The following SPATA6 variants were observed in gnomAD, a reference collection of about 807,000 sequenced individuals.
SPATA6 encodes spermatogenesis-associated protein 6.
SPATA6 carries 56 observed loss-of-function variants against 65.3 expected under a neutral mutation model. The ratio of observed to expected loss-of-function variants is 0.86; its 90% CI spans 0.69 to 1.07. The LOEUF is 1.07. Ranked by LOEUF, SPATA6 falls within the 50% of genes least tolerant of loss-of-function variation. SPATA6 has a pLI of 0.00. For missense variants in SPATA6, 590 were observed against 594.8 expected, an observed-to-expected ratio of 0.99 and a Z score of 0.08; for synonymous variants, 199 against 213.2, an observed-to-expected ratio of 0.93 and a Z score of 0.58.
chr1:48,458,905 C>T (rs932808507), intron 1 of SPATA6, among the ~76,000 whole-genome samples: 7 of 152,024 alleles, frequency 4.6e-5, no homozygotes, highest in African/African-American at 1.4e-4. Context: ...AAATTGTACA[C>T]TTTAAAAGGG....
the SPATA6 span, among the ~76,000 whole-genome samples, chr1:48,280,974 G>C: frequency 1.3e-5 from 2 of 152,078 alleles, no homozygotes; most frequent in East Asian, 1.9e-4. Flanking sequence ...ATATCAAAAA[G>C]CTTATCCACC....
downstream of SPATA6, among the ~76,000 whole-genome samples, chr1:48,294,172 A>G (rs1391264135): frequency 1.3e-5 from 2 of 152,034 alleles, no homozygotes; most frequent in African/African-American, 4.8e-5. Context: ...CACCTCCCAA[A>G]TTCAAGTGGT....
intron 3 of SPATA6, among the ~76,000 whole-genome samples, chr1:48,446,755 A>C (rs1184337108): frequency 6.6e-6 from 1 of 152,204 alleles, no homozygotes; most frequent in Non-Finnish European, 1.5e-5. Flanking sequence ...CTTAGTAATC[A>C]GTAAAACAAC....
In SPATA6 at chr1:48,445,659, CAAAAAAAAAA is replaced by C. The variant is rs10632587; in HGVS notation, c.238+5883_238+5892del. ...TGGGAGAGAGAGTGAGACTCTGTCT[CAAAAAAAAAA>C]AAAAAAAAAAAAAAAAAAGCTAACA... is the stretch of plus-strand genomic sequence containing the variant. On this transcript the variant is annotated intron_variant, in intron 3 of 12. Transcript: ENST00000371847. 2.3e-3 allele frequency among the ~76,000 whole-genome samples: 117 copies of C among 51,260 alleles called. 2 individuals carry two copies. The highest frequency in any genetic ancestry group is 4.4e-3 in the Admixed American group (16 of 3,652). 33.6% of individuals were successfully genotyped at this position (51,260 alleles called of 152,430 possible).
intron 11 of SPATA6, among the ~76,000 whole-genome samples, chr1:48,311,548 G>A (rs1230749126): frequency 1.3e-5 from 2 of 152,148 alleles, no homozygotes; most frequent in African/African-American, 4.8e-5. Flanking sequence ...AAGAAAGAGA[G>A]TGAATTAGTA....
chr1:48,442,729 A>C (rs1462468080), intron 3 of SPATA6, among the ~76,000 whole-genome samples: 11 of 149,470 alleles, frequency 7.4e-5, no homozygotes, highest in South Asian at 2.1e-4. Flanking sequence ...AAAAAAAAAA[A>C]AAAAAAAAAA....
chr1:48,368,240 T>A (rs1031178491), intron 9 of SPATA6, among the ~76,000 whole-genome samples: 1 of 152,176 alleles, frequency 6.6e-6, no homozygotes, highest in Non-Finnish European at 1.5e-5. Context: ...TTTGCCTTCA[T>A]TTAAACTTTG....
intron 3 of SPATA6, among the ~76,000 whole-genome samples, chr1:48,448,194 G>A (rs1179829811): frequency 2.0e-5 from 3 of 150,966 alleles, no homozygotes; most frequent in African/African-American, 7.3e-5. Flanking sequence ...CTAGGATGTA[G>A]AGGCTGCAGT....
chr1:48,380,168 G>A (rs1431355673), intron 9 of SPATA6, among the ~76,000 whole-genome samples: 1 of 152,200 alleles, frequency 6.6e-6, no homozygotes, highest in Non-Finnish European at 1.5e-5. Flanking sequence ...TACTTTTCTA[G>A]AAAATGTTCT....
At chr1:48,369,866 C>T (rs186056318) in intron 9 of SPATA6, among the ~76,000 whole-genome samples, 3 of 152,288 alleles carry the variant, frequency 2.0e-5, no homozygotes, top group Non-Finnish European at 2.9e-5. Flanking sequence ...CCATTTTCTG[C>T]GTCGCTCACG....
chr1:48,438,432 T>G (rs763237165), intron 3 of SPATA6, among the ~76,000 whole-genome samples: 29 of 152,188 alleles, frequency 1.9e-4, no homozygotes, highest in Non-Finnish European at 3.1e-4. Context: ...TGTCAGGCTT[T>G]CTGGGAAAGA....
chr1:48,428,352 C>G (rs114789455), intron 3 of SPATA6, among the ~76,000 whole-genome samples: 3,912 of 152,166 alleles, frequency 0.026, 109 homozygotes, highest in African/African-American at 0.071. Flanking sequence ...TACTCTGAAG[C>G]CTGAGGCAGG....
intron 2 of SPATA6, among the ~76,000 whole-genome samples, chr1:48,452,432 G>A (rs1570622901): frequency 1.3e-5 from 2 of 151,154 alleles, no homozygotes; most frequent in Admixed American, 1.3e-4. Context: ...CACCCAGGCT[G>A]GAGTGCAGTG....
intron 7 of SPATA6, 41 bp downstream of exon 7, chr1:48,399,310 G>C (rs755475963): frequency 1.3e-6 from 2 of 1,561,316 alleles, no homozygotes; most frequent in South Asian, 2.4e-5. Context: ...TGGGAAAAAA[G>C]CTGATCAGTT....
chr1:48,324,497 G>A (rs1394071004), intron 11 of SPATA6, among the ~76,000 whole-genome samples: 2 of 152,118 alleles, frequency 1.3e-5, no homozygotes, highest in African/African-American at 4.8e-5. Context: ...TATTTATCAT[G>A]ACCAAGTGAG....
At chr1:48,452,783 AG>A (rs927404280) in intron 2 of SPATA6, among the ~76,000 whole-genome samples, 42 of 152,354 alleles carry the variant, frequency 2.8e-4, no homozygotes, top group African/African-American at 1.0e-3. Context: ...AATCAATTTT[AG>A]GAATAAGCTA....
chr1:48,359,056 G>A (rs1489690693), intron 10 of SPATA6, among the ~76,000 whole-genome samples: 1 of 152,052 alleles, frequency 6.6e-6, no homozygotes, highest in East Asian at 1.9e-4. Context: ...TATATGAAAA[G>A]GAACTATTTA....
intron 11 of SPATA6, among the ~76,000 whole-genome samples, chr1:48,313,886 C>T (rs1269335713): frequency 6.6e-6 from 1 of 152,090 alleles, no homozygotes; most frequent in Non-Finnish European, 1.5e-5. Context: ...GCAGGGGTTG[C>T]AATCCCAGTC....
At position 48,423,568 on chromosome 1, in the gene SPATA6, T is replaced by TTTC. The variant is rs1653559016; in HGVS notation, c.239-10418_239-10417insGAA. On this transcript the variant is annotated intron_variant, in intron 3 of 12. Transcript: ENST00000371847. The stretch of plus-strand genomic sequence containing the variant: ...TTTAATTTTCTTTCTTTCTTTCTTT[T>TTTC]TTTTTTTTTTTTTTTGTCACACAGG... Among the ~76,000 whole-genome samples the TTTC allele has an allele frequency of 8.9e-5, 6 of 67,766 alleles. No individual in the cohort carries two copies. In the South Asian group the frequency reaches 2.6e-3, roughly 29 times the overall value. 44.5% of individuals were successfully genotyped at this position (67,766 alleles called of 152,430 possible). A position where few individuals can be genotyped will look rare whatever the true frequency, so the allele number is the denominator to read the frequency against.
Sources: gnomAD v4.1 joint callset for allele counts (sites outside exome capture counted in the v4.1 genomes callset) on GRCh38, gnomAD v4.1.1 for gene constraint, MANE v1.5 for transcripts, NCBI Gene and HGNC (gene_info 2026-07-23, HGNC 2026-07-21) for gene names.